The following HMGN2 variants were observed in gnomAD, a reference collection of about 807,000 sequenced individuals.
HMGN2 encodes high mobility group nucleosomal binding domain 2.
In HMGN2, 2 loss-of-function variants were observed where a neutral mutation model predicts 16.9. That is an observed-to-expected ratio of 0.12 (90% CI 0.05 to 0.37). The LOEUF is 0.37. Ranked by LOEUF, HMGN2 falls within the 10% of genes least tolerant of loss-of-function variation. The pLI, the probability that HMGN2 is intolerant of heterozygous loss-of-function variation, is 1.00. For missense variants in HMGN2, 90 were observed against 106.0 expected, an observed-to-expected ratio of 0.85 and a Z score of 0.66; for synonymous variants, 31 against 34.9, an observed-to-expected ratio of 0.89 and a Z score of 0.39.
intron 1 of HMGN2, 49 bp from the exon 2 acceptor site, chr1:26,473,434 A>AT (rs747661453): frequency 7.2e-7 from 1 of 1,386,500 alleles, no homozygotes; most frequent in Admixed American, 1.7e-5. Context: ...TTGGGAAGTA[A>AT]TTAAGAACCA....
Position 26,473,545 on chromosome 1 carries a change from C to T in HMGN2, c.60+18C>T, listed in dbSNP as rs752825049. ...AGGACGAAGTAAGTCATTCTCTCTTCAAGGGTCAAAGCCTTGGACTAGCAG... is the reference window on the plus strand; with the variant it reads ...AGGACGAAGTAAGTCATTCTCTCTTTAAGGGTCAAAGCCTTGGACTAGCAG... On this transcript the variant is annotated intron_variant, in intron 2 of 5. Coordinates refer to ENST00000361427, the MANE Select transcript of HMGN2 (RefSeq NM_005517.4). 1 of 1,607,416 alleles carries T rather than the reference C, an allele frequency of 6.2e-7. No homozygotes were observed.
rs889325356 is a variant in HMGN2, at chr1:26,476,323, C to A, written c.*1175C>A. Among the ~76,000 whole-genome samples the A allele has an allele frequency of 2.0e-5, 3 of 152,188 alleles. No individual in the cohort carries two copies. Among genetic ancestry groups the A allele is most frequent in the African/African-American group, 7.2e-5 (3 of 41,450 alleles). On this transcript the variant is annotated 3_prime_UTR_variant, in exon 6 of 6. Transcript: ENST00000361427. ...GTAGCTGACAGGAGCCTCTCTACTTCCATCTGCATTTGCAACTTCTATAAA... is the reference window on the plus strand; with the variant it reads ...GTAGCTGACAGGAGCCTCTCTACTTACATCTGCATTTGCAACTTCTATAAA...
At chr1:26,474,882 G>T in intron 5 of HMGN2, 1 of 609,204 alleles carries the variant, frequency 1.6e-6, no homozygotes, top group African/African-American at 1.8e-5. Flanking sequence ...CAAGCTAGGA[G>T]TAACCTCAGG....
intron 1 of HMGN2, 76 bp downstream of exon 1, chr1:26,472,703 C>A: frequency 7.5e-7 from 1 of 1,333,504 alleles, no homozygotes; most frequent in Non-Finnish European, 1.0e-6. Context: ...GTGCAGGGAG[C>A]GAGAATCGGC....
chr1:26,473,157 C>G (rs2075585881), intron 1 of HMGN2: 2 of 341,032 alleles, frequency 5.9e-6, no homozygotes, highest in Non-Finnish European at 1.1e-5. Context: ...CTCCCGCCCT[C>G]GACGGCTGCC....
chr1:26,473,469 C>T lies in HMGN2; in HGVS notation c.16-14C>T, dbSNP rs568049935. 100 of 1,605,680 alleles carry T rather than the reference C, an allele frequency of 6.2e-5. 1 individual carries two copies. In the South Asian group the frequency reaches 1.0e-3, roughly 16 times the overall value. On this transcript the variant is annotated splice_polypyrimidine_tract_variant and intron_variant, in intron 1 of 5. Coordinates refer to ENST00000361427, the MANE Select transcript of HMGN2 (RefSeq NM_005517.4). ...ACCTCAAAATCTGCAGTTTTTTGTT[C>T]TTGTTTCTTATAGGCTGAAGGGGAT...
In HMGN2 at chr1:26,475,374, C is replaced by G. The variant is rs534836127; in HGVS notation, c.*226C>G. On this transcript the variant is annotated 3_prime_UTR_variant, in exon 6 of 6. Coordinates refer to ENST00000361427, the MANE Select transcript of HMGN2 (RefSeq NM_005517.4). ...GATTGATGTGGAGAAAACACCTTTC[C>G]CTTCTAGTTTTGAGAGACTTCCTCT... 1 of 404,554 alleles carries G rather than the reference C, an allele frequency of 2.5e-6. No individual in the cohort carries two copies. Among genetic ancestry groups the G allele is most frequent in the Admixed American group, 4.1e-5 (1 of 24,408 alleles). The allele number at this position is 404,554 out of a possible 1,614,324, so 25.1% of individuals were successfully genotyped here.
intron 1 of HMGN2, among the ~76,000 whole-genome samples, chr1:26,473,032 CCGCCGTGAGG>C (rs2075583501): frequency 8.6e-5 from 1 of 11,626 alleles, no homozygotes; most frequent in South Asian, 3.9e-3. Flanking sequence ...CAAAAAACCG[CCGCCGTGAGG>C]GGCGGGGCTT....
rs979074133 is a variant in HMGN2, at chr1:26,473,861, G to A, written c.90+129G>A. 6 of 994,368 alleles carry A rather than the reference G, an allele frequency of 6.0e-6. No homozygotes were observed. The African/African-American group carries it at 8.1e-5, about 13-fold the overall frequency. The allele number at this position is 994,368 out of a possible 1,614,324, so 61.6% of individuals were successfully genotyped here. ...ATCATTGCCTCTACTTGGGACTCTT[G>A]CCCCTTTGGGTTTTGCTGGTTCTGA... is the stretch of plus-strand genomic sequence containing the variant. On this transcript the variant is annotated intron_variant, in intron 3 of 5. Transcript: ENST00000361427.
chr1:26,473,136 C>T (rs1345331202), intron 1 of HMGN2: 2 of 299,894 alleles, frequency 6.7e-6, no homozygotes, highest in Non-Finnish European at 1.2e-5. Context: ...CCGGGCTGCG[C>T]GCGCCTCCCT....
rs1048108438 is a variant in HMGN2, at chr1:26,472,576, C to T, written c.-37C>T. The T allele has an allele frequency of 1.1e-5, 17 of 1,535,882 alleles. No homozygotes were observed. Among genetic ancestry groups the T allele is most frequent in the Admixed American group, 5.8e-5 (3 of 51,356 alleles). ...GCCCGCGCGCCGCTGCATCCCGCGT[C>T]CAGCACCTACGTCCCGCTGCCGTCG... is the stretch of plus-strand genomic sequence containing the variant. On this transcript the variant is annotated 5_prime_UTR_variant, in exon 1 of 6. Transcript: ENST00000361427.
chr1:26,473,070 C>T (rs1235710316), intron 1 of HMGN2: 2 of 252,768 alleles, frequency 7.9e-6, no homozygotes, highest in Non-Finnish European at 1.5e-5. Flanking sequence ...ATGGCCCCGC[C>T]CCCTCGCCCA....
In HMGN2 at chr1:26,474,573, A is replaced by C; in HGVS notation, c.143A>C (p.Lys48Thr). The change falls in exon 5 of 6, where the codon AAG (lysine) becomes ACG (threonine). Residue 48 changes from lysine to threonine, a missense_variant and splice_region_variant. By Grantham distance (78) the Lys-to-Thr change is moderately conservative (BLOSUM62 -1). Coordinates refer to ENST00000361427, the MANE Select transcript of HMGN2 (RefSeq NM_005517.4). The part of the protein sequence containing the change: ...EPKPKKAPAK[K>T]GEKVPKGKKG... ...GTTCTATTTTTTCCCCTTTTTCAGA[A>C]GGGAGAGAAGGTACCCAAAGGGAAA... is the stretch of plus-strand genomic sequence containing the variant. 6.7e-7 allele frequency: 1 copy of C among 1,495,612 alleles called. No individual in the cohort carries two copies. Among genetic ancestry groups the C allele is most frequent in the Non-Finnish European group, 9.3e-7 (1 of 1,075,192 alleles). 92.6% of individuals were successfully genotyped at this position (1,495,612 alleles called of 1,614,324 possible). A position where few individuals can be genotyped will look rare whatever the true frequency, so the allele number is the denominator to read the frequency against.
chr1:26,473,319 T>A, intron 1 of HMGN2, 164 bp from the exon 2 acceptor site: 1 of 591,250 alleles, frequency 1.7e-6, no homozygotes, highest in Non-Finnish European at 3.0e-6. Flanking sequence ...GAGCCGGAGC[T>A]CCTGCGCGCG....
rs1486890525 is a variant in HMGN2, at chr1:26,472,512, T to C, written c.-101T>C. The C allele has an allele frequency of 8.1e-6, 11 of 1,364,790 alleles. No homozygotes were observed. The highest frequency in any genetic ancestry group is 1.1e-5 in the Non-Finnish European group (11 of 994,554). 84.5% of individuals were successfully genotyped at this position (1,364,790 alleles called of 1,614,324 possible). On this transcript the variant is annotated 5_prime_UTR_variant, in exon 1 of 6. Coordinates refer to ENST00000361427, the MANE Select transcript of HMGN2 (RefSeq NM_005517.4). The stretch of plus-strand genomic sequence containing the variant: ...TATAAACCCCCCGGAGCCCGAGCAG[T>C]GTGAAGAAGAGGCGAGAACGACCCC...
intron 1 of HMGN2, chr1:26,473,269 C>G (rs944556854): frequency 1.7e-6 from 1 of 574,400 alleles, no homozygotes; most frequent in Non-Finnish European, 3.1e-6. Context: ...CTGCCCTCCC[C>G]GGCTGCGCTC....
intron 3 of HMGN2, 83 bp downstream of exon 3, chr1:26,473,815 A>T: frequency 7.4e-7 from 1 of 1,354,272 alleles, no homozygotes; most frequent in Non-Finnish European, 1.1e-6. Context: ...TCCATGAATT[A>T]TGGTTAGTGC....
intron 1 of HMGN2, 23 bp from the exon 2 acceptor site, chr1:26,473,460 T>C (rs1365809463): frequency 6.3e-7 from 1 of 1,598,622 alleles, no homozygotes; most frequent in Non-Finnish European, 8.6e-7. Context: ...AAATCTGCAG[T>C]TTTTTGTTCT....
In HMGN2 at chr1:26,475,194, T is replaced by C. The variant is rs2075599860; in HGVS notation, c.*46T>C. The C allele has an allele frequency of 8.4e-7, 1 of 1,196,306 alleles. No homozygotes were observed. The highest frequency in any genetic ancestry group is 1.3e-5 in the South Asian group (1 of 75,748). The allele number at this position is 1,196,306 out of a possible 1,614,324, so 74.1% of individuals were successfully genotyped here. A position where few individuals can be genotyped will look rare whatever the true frequency, so the allele number is the denominator to read the frequency against. The stretch of plus-strand genomic sequence containing the variant: ...CTGTGTACTTCTGGTGACTGTACAG[T>C]TTGAAATACTATTTTTTATCAAGTT... On this transcript the variant is annotated 3_prime_UTR_variant, in exon 6 of 6. Transcript: ENST00000361427.
Sources: gnomAD v4.1 joint callset for allele counts (sites outside exome capture counted in the v4.1 genomes callset) on GRCh38, gnomAD v4.1.1 for gene constraint, MANE v1.5 for transcripts, NCBI Gene and HGNC (gene_info 2026-07-23, HGNC 2026-07-21) for gene names.